The following GALNT10 variants were observed in gnomAD, a reference collection of about 807,000 sequenced individuals.
The protein encoded by GALNT10 is polypeptide N-acetylgalactosaminyltransferase 10.
A neutral mutation model predicts 75.0 loss-of-function variants in GALNT10; 41 were observed. The observed-to-expected ratio is 0.55, with a 90% confidence interval of 0.43 to 0.71. The LOEUF (loss-of-function observed/expected upper bound fraction) is 0.71. GALNT10 is among the 30% of genes least tolerant of loss of function. The pLI is 0.00. For synonymous variants in GALNT10, 302 were observed against 313.0 expected (o/e 0.96, Z 0.37); for missense variants, 727 against 818.5 (o/e 0.89, Z 1.36).
intron 3 of GALNT10, among the ~76,000 whole-genome samples, chr5:154,317,185 T>C (rs756124387): frequency 3.3e-5 from 5 of 152,216 alleles, no homozygotes; most frequent in Non-Finnish European, 5.9e-5. Context: ...CTTAGGCACA[T>C]ACAATATTGG....
At chr5:154,391,962 G>C (rs1755904946) in intron 7 of GALNT10, among the ~76,000 whole-genome samples, 1 of 152,142 alleles carries the variant, frequency 6.6e-6, no homozygotes, top group Admixed American at 6.5e-5. Flanking sequence ...ACTGCAATTG[G>C]TCACCTGCAG....
chr5:154,390,894 T>A (rs141518764), intron 7 of GALNT10, among the ~76,000 whole-genome samples: 1 of 152,368 alleles, frequency 6.6e-6, no homozygotes, highest in East Asian at 1.9e-4. Flanking sequence ...GAAGCCATAT[T>A]GGAAGTATCT....
In GALNT10 at chr5:154,409,583, G is replaced by A; in HGVS notation, c.1207G>A (p.Glu403Lys). 1 of 1,614,078 alleles carries A rather than the reference G, an allele frequency of 6.2e-7. No homozygotes were observed. The highest frequency in any genetic ancestry group is 8.5e-7 in the Non-Finnish European group (1 of 1,179,928). The change falls in exon 9 of 12, where the codon GAG becomes AAG. Residue 403 changes from glutamate (E) to lysine (K), a missense_variant. Physicochemically the swap from Glu to Lys is moderately conservative, Grantham distance 56 (BLOSUM62 1). Transcript: ENST00000297107. This position sits in a 1 kb window ranked among gnomAD's most constrained non-coding sequence, Gnocchi z 4.5. Reference protein sequence around the residue: ...VAEVWMDEYAEYIYQRRPEYR... With the variant: ...VAEVWMDEYAKYIYQRRPEYR... ...CGAAGTGTGGATGGATGAGTACGCA[G>A]AGTACATTTACCAGCGCCGGCCTGA... is the stretch of plus-strand genomic sequence containing the variant.
At chr5:154,256,686 C>T (rs1346260978) in intron 1 of GALNT10, among the ~76,000 whole-genome samples, 2 of 152,102 alleles carry the variant, frequency 1.3e-5, no homozygotes, top group African/African-American at 4.8e-5. Context: ...ACATATTCTT[C>T]AAACACTGTC....
chr5:154,209,276 C>T lies in GALNT10; in HGVS notation c.159+18251C>T, dbSNP rs564348335. Reference sequence around the variant, plus strand: ...ACACCAGAACCAGGGTGAAAAAAGCCTTTCCTTCTGCAGTGTCTCTCCAGC... The same window carrying T: ...ACACCAGAACCAGGGTGAAAAAAGCTTTTCCTTCTGCAGTGTCTCTCCAGC... On this transcript the variant is annotated intron_variant, in intron 1 of 11. Transcript: ENST00000297107. 3.3e-5 allele frequency among the ~76,000 whole-genome samples: 5 copies of T among 152,344 alleles called. No individual in the cohort carries two copies. The East Asian group carries it at 7.7e-4, about 23-fold the overall frequency.
At chr5:154,361,918 G>A (rs1415359412) in intron 4 of GALNT10, among the ~76,000 whole-genome samples, 1 of 152,232 alleles carries the variant, frequency 6.6e-6, no homozygotes, top group Non-Finnish European at 1.5e-5. Context: ...GAGGAGCCAT[G>A]TGGCATTGCT....
chr5:154,196,030 C>T (rs1774933926), intron 1 of GALNT10, among the ~76,000 whole-genome samples: 1 of 152,126 alleles, frequency 6.6e-6, no homozygotes, highest in Non-Finnish European at 1.5e-5. Flanking sequence ...TCAAGTGATT[C>T]TCCTGCCTCA....
chr5:154,322,199 C>T (rs769789539), intron 3 of GALNT10, among the ~76,000 whole-genome samples: 15 of 152,080 alleles, frequency 9.9e-5, no homozygotes, highest in Non-Finnish European at 1.6e-4. Context: ...TTCTGGGAGG[C>T]TCTAGGGGAA....
Position 154,252,095 on chromosome 5 carries a change from A to G in GALNT10, c.160-42721A>G, listed in dbSNP as rs536244592. Among the ~76,000 whole-genome samples the G allele has an allele frequency of 2.5e-3, 374 of 152,268 alleles. 3 individuals are homozygous for G. Among genetic ancestry groups the G allele is most frequent in the Non-Finnish European group, 3.4e-3 (231 of 68,012 alleles). On this transcript the variant is annotated intron_variant, in intron 1 of 11. Transcript: ENST00000297107. ...TTACCCATGTTATACACACAACAAT[A>G]TCAGAATAGCAATACTAATGCTACC...
At chr5:154,203,497 G>T (rs1249688390) in intron 1 of GALNT10, among the ~76,000 whole-genome samples, 1 of 152,230 alleles carries the variant, frequency 6.6e-6, no homozygotes. Flanking sequence ...TAGGTAGTCT[G>T]CCATGGCTCA....
rs781023843 is a variant in GALNT10, at chr5:154,413,015, G to C, written c.1503+10G>C. The C allele has an allele frequency of 1.3e-6, 2 of 1,537,266 alleles. No homozygotes were observed. The highest frequency in any genetic ancestry group is 2.7e-5 in the African/African-American group (2 of 73,502). Reference sequence around the variant, plus strand: ...CTGGAACAACATGCAGGTAAGGGCCGCCCCTCAGGGACTGGCAGCCAGGTT... The same window carrying C: ...CTGGAACAACATGCAGGTAAGGGCCCCCCCTCAGGGACTGGCAGCCAGGTT... On this transcript the variant is annotated intron_variant, in intron 10 of 11. Transcript: ENST00000297107.
At chr5:154,364,848 A>G (rs912086829) in intron 4 of GALNT10, among the ~76,000 whole-genome samples, 1 of 152,130 alleles carries the variant, frequency 6.6e-6, no homozygotes, top group Admixed American at 6.5e-5. Context: ...ATAGGCTCCA[A>G]CTGGGTGAAA....
At chr5:154,233,533 G>A (rs557524682) in intron 1 of GALNT10, among the ~76,000 whole-genome samples, 1 of 152,326 alleles carries the variant, frequency 6.6e-6, no homozygotes, top group East Asian at 1.9e-4. Flanking sequence ...AAGAGACCAA[G>A]GTGAGGCACC....
chr5:154,212,163 T>C (rs1180863639), intron 1 of GALNT10, among the ~76,000 whole-genome samples: 1 of 152,272 alleles, frequency 6.6e-6, no homozygotes, highest in Non-Finnish European at 1.5e-5. Context: ...AAAACCAAGA[T>C]GTCCCATGAG....
At chr5:154,205,875 C>T (rs1422060926) in intron 1 of GALNT10, among the ~76,000 whole-genome samples, 1 of 152,172 alleles carries the variant, frequency 6.6e-6, no homozygotes, top group African/African-American at 2.4e-5. Flanking sequence ...TAGGATAGCC[C>T]TGCCAGTACC....
At chr5:154,403,127 G>A (rs1404590794) in intron 7 of GALNT10, among the ~76,000 whole-genome samples, 2 of 152,186 alleles carry the variant, frequency 1.3e-5, no homozygotes, top group African/African-American at 4.8e-5. Flanking sequence ...CTGAGTCTCA[G>A]AGAAGTTAAG....
rs1302072447 is a variant in GALNT10 at position 154,298,145 on chromosome 5, T to C, written c.401+66T>C. On this transcript the variant is annotated intron_variant, in intron 3 of 11. Transcript: ENST00000297107. The surrounding 1 kb of genome is among the most constrained non-coding windows in gnomAD (Gnocchi z 4.1). ...TTCCCTGGCTGTTGTTGAGAATTAA[T>C]TAAGGAAGCAGGTACATGGAGCCCT... The C allele has an allele frequency of 2.0e-6, 3 of 1,469,538 alleles. No homozygotes were observed. Among genetic ancestry groups the C allele is most frequent in the Non-Finnish European group, 2.8e-6 (3 of 1,063,224 alleles). 91.0% of individuals were successfully genotyped at this position (1,469,538 alleles called of 1,614,324 possible).
chr5:154,337,070 A>G (rs559756864), intron 4 of GALNT10, among the ~76,000 whole-genome samples: 2 of 152,316 alleles, frequency 1.3e-5, no homozygotes, highest in South Asian at 2.1e-4. Context: ...TAAGCTTTAC[A>G]TGCTTTTTCC....
intron 1 of GALNT10, among the ~76,000 whole-genome samples, chr5:154,221,428 G>T (rs753715740): frequency 6.6e-6 from 1 of 152,192 alleles, no homozygotes; most frequent in Non-Finnish European, 1.5e-5. Flanking sequence ...GTGCCCCTGA[G>T]TTGTGCCTTA....
Sources: allele counts gnomAD v4.1 joint callset (sites outside exome capture counted in the v4.1 genomes callset), GRCh38; gene constraint gnomAD v4.1.1; non-coding constraint Gnocchi (gnomAD v3.1); transcripts MANE v1.5; gene names NCBI Gene and HGNC (gene_info 2026-07-23, HGNC 2026-07-21).